The following KALRN variants were observed in gnomAD, a reference collection of about 807,000 sequenced individuals.
The protein encoded by KALRN is kalirin RhoGEF kinase.
In KALRN, 70 loss-of-function variants were observed where a neutral mutation model predicts 353.7. That is an observed-to-expected ratio of 0.20 (90% CI 0.16 to 0.24). The LOEUF (loss-of-function observed/expected upper bound fraction) is 0.24. KALRN is among the 10% of genes least tolerant of loss of function. The pLI, the probability that KALRN is intolerant of heterozygous loss-of-function variation, is 1.00. For synonymous variants in KALRN, 1,391 were observed against 1,434.8 expected (o/e 0.97, Z 0.69); for missense variants, 2,791 against 3,756.7 (o/e 0.74, Z 6.72).
chr3:124,599,316 C>T lies in KALRN; in HGVS notation c.5183-33104C>T, dbSNP rs78332980. Among the ~76,000 whole-genome samples the T allele has an allele frequency of 2.6e-3, 393 of 152,242 alleles. 1 individual carries two copies. The highest frequency in any genetic ancestry group is 3.5e-3 in the Non-Finnish European group (240 of 68,020). ...CGACTTGCTTCAAGAGCTCTCCTGC[C>T]GTTCTTTGGTCTATAAGAACCTCTG... On this transcript the variant is annotated intron_variant, in intron 34 of 59. Coordinates refer to ENST00000682506, the MANE Select transcript of KALRN (RefSeq NM_001388419.1).
chr3:124,038,083 G>C (rs182946046), intron 1 of KALRN, among the ~76,000 whole-genome samples: 1 of 152,140 alleles, frequency 6.6e-6, no homozygotes, highest in African/African-American at 2.4e-5. Flanking sequence ...CAGAGGGAAG[G>C]AGTAGAGGAA....
At chr3:124,636,308 T>C (rs684237) in intron 36 of KALRN, among the ~76,000 whole-genome samples, 107,974 of 152,004 alleles carry the variant, frequency 0.71, 40,115 homozygotes, top group African/African-American at 0.93. Flanking sequence ...CAGGGTTAAC[T>C]ATTTCTCCCC....
intron 55 of KALRN, 57 bp downstream of exon 55, chr3:124,697,781 A>T (rs2062123722): frequency 7.0e-7 from 1 of 1,421,420 alleles, no homozygotes. Flanking sequence ...ATTTATTTTT[A>T]AAATTGCAGT....
intron 13 of KALRN, among the ~76,000 whole-genome samples, chr3:124,408,198 T>C (rs1252368470): frequency 6.8e-6 from 1 of 146,118 alleles, no homozygotes; most frequent in Non-Finnish European, 1.5e-5. Flanking sequence ...CTAAAAAAAA[T>C]ATGATTAATT....
intron 34 of KALRN, among the ~76,000 whole-genome samples, chr3:124,597,457 G>T (rs2076377857): frequency 6.6e-6 from 1 of 152,208 alleles, no homozygotes; most frequent in Non-Finnish European, 1.5e-5. Flanking sequence ...TAGCAGCCTG[G>T]GATGATCTGG....
At chr3:124,519,392 T>C (rs2066974166) in intron 33 of KALRN, 1 of 985,188 alleles carries the variant, frequency 1.0e-6, no homozygotes, top group African/African-American at 1.7e-5. Flanking sequence ...AAACACAGAG[T>C]TTCATGGAAA....
chr3:124,432,358 G>C (rs767615425), intron 16 of KALRN, among the ~76,000 whole-genome samples: 1 of 152,182 alleles, frequency 6.6e-6, no homozygotes, highest in Non-Finnish European at 1.5e-5. Context: ...AAGTCGCAGT[G>C]AGCTGAGATT....
intron 33 of KALRN, among the ~76,000 whole-genome samples, chr3:124,517,675 G>A (rs866853498): frequency 3.9e-5 from 6 of 152,040 alleles, no homozygotes; most frequent in African/African-American, 1.2e-4. Context: ...CTCCCCACTC[G>A]TTCACTCTCT....
chr3:124,619,335 T>C (rs572978875), intron 34 of KALRN, among the ~76,000 whole-genome samples: 1 of 152,294 alleles, frequency 6.6e-6, no homozygotes, highest in South Asian at 2.1e-4. Context: ...AACACTTAGA[T>C]GGTTGCTGTA....
At chr3:124,115,651 C>T (rs2063387172) in intron 1 of KALRN, among the ~76,000 whole-genome samples, 2 of 152,082 alleles carry the variant, frequency 1.3e-5, no homozygotes, top group South Asian at 2.1e-4. Flanking sequence ...ATTTGTTCCC[C>T]CTTCTTTTTC....
At chr3:124,333,360 A>G (rs2080798777) in intron 8 of KALRN, among the ~76,000 whole-genome samples, 1 of 152,230 alleles carries the variant, frequency 6.6e-6, no homozygotes, top group Non-Finnish European at 1.5e-5. Flanking sequence ...GTGTTAACTC[A>G]TTTAATCCTC....
chr3:124,319,891 G>A (rs2079149806), intron 6 of KALRN, among the ~76,000 whole-genome samples: 1 of 152,010 alleles, frequency 6.6e-6, no homozygotes, highest in African/African-American at 2.4e-5. Flanking sequence ...CTACTCAGGA[G>A]GCTGAGGCAG....
chr3:124,057,859 C>T (rs2041691890), intron 1 of KALRN, among the ~76,000 whole-genome samples: 1 of 152,130 alleles, frequency 6.6e-6, no homozygotes, highest in Admixed American at 6.5e-5. Flanking sequence ...GGTCAAACTA[C>T]CTGGATACAT....
rs1328957937 is a variant in KALRN, at chr3:124,666,384, A to G, written c.6346-65A>G. 2.7e-6 allele frequency: 4 copies of G among 1,482,456 alleles called. No individual in the cohort carries two copies. In the African/African-American group the frequency reaches 5.5e-5, roughly 20 times the overall value. The allele number at this position is 1,482,456 out of a possible 1,614,324, so 91.8% of individuals were successfully genotyped here. A position where few individuals can be genotyped will look rare whatever the true frequency, so the allele number is the denominator to read the frequency against. ...ATCCCCAGATGGGGAGGTTCTGTGG[A>G]CCCAGAGGGCAGTGGCTCGCTCCCC... On this transcript the variant is annotated intron_variant, in intron 45 of 59. Transcript: ENST00000682506.
At chr3:124,082,376 G>T in intron 1 of KALRN, 1 of 464,546 alleles carries the variant, frequency 2.2e-6, no homozygotes, top group Non-Finnish European at 4.5e-6. Flanking sequence ...CAATGGGCCT[G>T]AGCTATGGAA....
At chr3:124,661,642 G>A (rs956756557) in intron 44 of KALRN, among the ~76,000 whole-genome samples, 1 of 152,182 alleles carries the variant, frequency 6.6e-6, no homozygotes, top group East Asian at 1.9e-4. Flanking sequence ...CTCAGTGACT[G>A]ACATGGAGCC....
At chr3:124,652,088 T>A (rs1380582541) in intron 38 of KALRN, among the ~76,000 whole-genome samples, 2 of 152,206 alleles carry the variant, frequency 1.3e-5, no homozygotes, top group East Asian at 3.8e-4. Flanking sequence ...TTAATTAGCC[T>A]GCCTTTCTCT....
intron 34 of KALRN, among the ~76,000 whole-genome samples, chr3:124,604,688 A>G (rs1335154529): frequency 1.3e-5 from 2 of 152,044 alleles, no homozygotes; most frequent in Non-Finnish European, 2.9e-5. Context: ...ATTTTTAATT[A>G]TTAACTAATT....
At chr3:124,411,433 C>CTTATTTTTTTTTTTTT (rs2092141823) in intron 13 of KALRN, among the ~76,000 whole-genome samples, 1 of 51,480 alleles carries the variant, frequency 1.9e-5, no homozygotes, top group Non-Finnish European at 3.8e-5. Context: ...TTAAATTATG[C>CTTATTTTTTTTTTTTT]TTTTTTTTTT....
Sources: gnomAD v4.1 joint callset for allele counts (sites outside exome capture counted in the v4.1 genomes callset) on GRCh38, gnomAD v4.1.1 for gene constraint, MANE v1.5 for transcripts, NCBI Gene and HGNC (gene_info 2026-07-23, HGNC 2026-07-21) for gene names.